Variants in PCBD2 observed in about 807,000 individuals in gnomAD.
The protein encoded by PCBD2 is pterin-4 alpha-carbinolamine dehydratase 2.
A neutral mutation model predicts 16.4 loss-of-function variants in PCBD2; 12 were observed. The observed-to-expected ratio is 0.73, with a 90% CI of 0.47 to 1.19. The LOEUF (loss-of-function observed/expected upper bound fraction) is 1.19, where lower values mean the gene tolerates loss of function less well. Ranked by LOEUF, PCBD2 falls within the 50% of genes most tolerant of loss-of-function variation. The probability of loss-of-function intolerance (pLI) is 0.00; values close to 1 mark genes in which losing one functional copy is unlikely to be tolerated. For missense variants in PCBD2, 138 were observed against 156.8 expected, an observed-to-expected ratio of 0.88 and a Z score of 0.64; for synonymous variants, 58 against 61.8, an observed-to-expected ratio of 0.94 and a Z score of 0.29.
intron 2 of PCBD2, among the ~76,000 whole-genome samples, chr5:134,943,266 T>C (rs903373321): frequency 6.6e-6 from 1 of 152,184 alleles, no homozygotes; most frequent in Admixed American, 6.5e-5. Flanking sequence ...ACCGAAGCAC[T>C]TGTGACTTCG....
chr5:134,932,340 G>C (rs1259692885), intron 2 of PCBD2, among the ~76,000 whole-genome samples: 1 of 151,492 alleles, frequency 6.6e-6, no homozygotes, highest in African/African-American at 2.4e-5. Flanking sequence ...ACATTGCCTG[G>C]CTAATTTTTT....
At chr5:134,923,146 C>T (rs1261429510) in intron 2 of PCBD2, among the ~76,000 whole-genome samples, 1 of 152,124 alleles carries the variant, frequency 6.6e-6, no homozygotes, top group East Asian at 1.9e-4. Context: ...GTGACTTGCC[C>T]AAGGTCTCAC....
intron 2 of PCBD2, among the ~76,000 whole-genome samples, chr5:134,917,196 A>G (rs1008988668): frequency 1.3e-5 from 2 of 152,242 alleles, no homozygotes; most frequent in African/African-American, 4.8e-5. Flanking sequence ...TTAAGTTTAA[A>G]AGTAGGTGCA....
intron 1 of PCBD2, among the ~76,000 whole-genome samples, chr5:134,910,088 A>G (rs892893304): frequency 6.6e-6 from 1 of 152,046 alleles, no homozygotes; most frequent in African/African-American, 2.4e-5. Flanking sequence ...CAACCAACCA[A>G]CCAGAGAAGC....
At chr5:134,928,417 T>C in intron 2 of PCBD2, 1 of 354,918 alleles carries the variant, frequency 2.8e-6, no homozygotes, top group Non-Finnish European at 5.1e-6. Context: ...ACCCTTTTTA[T>C]AATCATTCGT....
At chr5:134,917,048 T>A (rs1325589437) in intron 2 of PCBD2, among the ~76,000 whole-genome samples, 1 of 152,204 alleles carries the variant, frequency 6.6e-6, no homozygotes, top group Non-Finnish European at 1.5e-5. Flanking sequence ...ACTTAGGTGT[T>A]TGGTAACTGC....
intron 2 of PCBD2, among the ~76,000 whole-genome samples, chr5:134,945,307 G>A (rs1580891684): frequency 6.6e-6 from 1 of 152,128 alleles, no homozygotes; most frequent in African/African-American, 2.4e-5. Flanking sequence ...TGTGTGCTGC[G>A]TGCCTGTCAA....
intron 2 of PCBD2, among the ~76,000 whole-genome samples, chr5:134,937,771 T>G (rs1751177468): frequency 6.6e-6 from 1 of 152,244 alleles, no homozygotes; most frequent in African/African-American, 2.4e-5. Context: ...TTGATCAGAA[T>G]TATTTCGTTC....
At chr5:134,932,499 G>A (rs528427731) in intron 2 of PCBD2, among the ~76,000 whole-genome samples, 5 of 152,080 alleles carry the variant, frequency 3.3e-5, no homozygotes, top group South Asian at 2.1e-4. Flanking sequence ...GCGCCACCAC[G>A]CTCAGCTAAT....
intron 2 of PCBD2, among the ~76,000 whole-genome samples, chr5:134,915,887 A>G (rs1750826476): frequency 6.6e-6 from 1 of 152,202 alleles, no homozygotes; most frequent in South Asian, 2.1e-4. Flanking sequence ...TAGCAATGGC[A>G]GCACCTCTCC....
chr5:134,960,920 C>A lies in PCBD2; in HGVS notation c.*239C>A, dbSNP rs1751468400. 2.9e-6 allele frequency: 1 copy of A among 347,982 alleles called. No homozygotes were observed. Among genetic ancestry groups the A allele is most frequent in the African/African-American group, 2.2e-5 (1 of 46,052 alleles). The allele number at this position is 347,982 out of a possible 1,614,324, so 21.6% of individuals were successfully genotyped here. A position where few individuals can be genotyped will look rare whatever the true frequency, so the allele number is the denominator to read the frequency against. ...TAGCTGGGATTACAAGCACGTGTCA[C>A]CACGCCTGGCTAATTTTTGTATTTT... On this transcript the variant is annotated 3_prime_UTR_variant, in exon 4 of 4. Transcript: ENST00000254908.
At chr5:134,917,837 C>T (rs749224339) in intron 2 of PCBD2, among the ~76,000 whole-genome samples, 3 of 152,182 alleles carry the variant, frequency 2.0e-5, no homozygotes, top group Non-Finnish European at 4.4e-5. Context: ...CCTGTGTCCA[C>T]AGAGACTCCT....
chr5:134,950,624 T>A (rs1751348236), intron 2 of PCBD2, among the ~76,000 whole-genome samples: 1 of 152,134 alleles, frequency 6.6e-6, no homozygotes, highest in Non-Finnish European at 1.5e-5. Context: ...CATGGAAAAA[T>A]CTTTAATTGC....
At chr5:134,955,147 G>A (rs1751400532) in intron 2 of PCBD2, among the ~76,000 whole-genome samples, 1 of 150,810 alleles carries the variant, frequency 6.6e-6, no homozygotes, top group Admixed American at 6.6e-5. Flanking sequence ...ATATATATAT[G>A]ATTGAAATAT....
intron 2 of PCBD2, among the ~76,000 whole-genome samples, chr5:134,931,110 G>A (rs1406358888): frequency 1.3e-5 from 2 of 152,024 alleles, no homozygotes; most frequent in Non-Finnish European, 2.9e-5. Flanking sequence ...AGTAAAGACA[G>A]GGTTTCACCG....
At chr5:134,929,734 T>C (rs147842897) in intron 2 of PCBD2, among the ~76,000 whole-genome samples, 196 of 152,342 alleles carry the variant, frequency 1.3e-3, no homozygotes, top group African/African-American at 4.4e-3. Context: ...CTCTGTCATC[T>C]AGCCTTGAGT....
chr5:134,958,086 G>T (rs1013551817), intron 2 of PCBD2, among the ~76,000 whole-genome samples: 1 of 152,124 alleles, frequency 6.6e-6, no homozygotes, highest in Non-Finnish European at 1.5e-5. Flanking sequence ...ATTTGTTTAC[G>T]TGGGTGTAAT....
In PCBD2 at chr5:134,961,438, A is replaced by C. The variant is rs1751476101; in HGVS notation, c.*757A>C. Among the ~76,000 whole-genome samples the C allele has an allele frequency of 6.6e-6, 1 of 151,910 alleles. No homozygotes were observed. Among genetic ancestry groups the C allele is most frequent in the Non-Finnish European group, 1.5e-5 (1 of 67,994 alleles). ...GTAGCTGGGACTATAGGCACGTGCCACTGCGCCTAGCTAATTTTTGTATTT... is the reference window on the plus strand; with the variant it reads ...GTAGCTGGGACTATAGGCACGTGCCCCTGCGCCTAGCTAATTTTTGTATTT... On this transcript the variant is annotated 3_prime_UTR_variant, in exon 4 of 4. Transcript: ENST00000254908.
At chr5:134,948,531 G>A (rs1472092352) in intron 2 of PCBD2, among the ~76,000 whole-genome samples, 1 of 152,032 alleles carries the variant, frequency 6.6e-6, no homozygotes, top group Non-Finnish European at 1.5e-5. Context: ...TCCTAGCCTG[G>A]GAATTCAGTA....
Sources: gnomAD v4.1 joint callset for allele counts (sites outside exome capture counted in the v4.1 genomes callset) on GRCh38, gnomAD v4.1.1 for gene constraint, MANE v1.5 for transcripts, NCBI Gene and HGNC (gene_info 2026-07-23, HGNC 2026-07-21) for gene names.